Variants in FHOD3 observed in about 807,000 individuals in gnomAD.
FHOD3 encodes formin homology 2 domain containing 3.
A neutral mutation model predicts 173.0 loss-of-function variants in FHOD3; 90 were observed. That is an observed-to-expected ratio of 0.52 (90% CI 0.44 to 0.62). The LOEUF (loss-of-function observed/expected upper bound fraction) is 0.62. FHOD3 is among the 20% of genes least tolerant of loss of function. The pLI is 0.00. For missense variants in FHOD3, 1,945 were observed against 2,034.7 expected, an observed-to-expected ratio of 0.96 and a Z score of 0.85; for synonymous variants, 828 against 823.0, an observed-to-expected ratio of 1.01 and a Z score of -0.10.
In FHOD3 at chr18:36,383,048, A is replaced by G. The variant is rs540612956; in HGVS notation, c.337+10304A>G. Among the ~76,000 whole-genome samples the G allele has an allele frequency of 1.4e-4, 21 of 152,194 alleles. No homozygotes were observed. The South Asian group carries it at 3.5e-3, about 26-fold the overall frequency. On this transcript the variant is annotated intron_variant, in intron 3 of 28. Transcript: ENST00000590592. ...CTTGGTCTGCCACACTTCCACGGGG[A>G]GTGCCCTGTCTGATTATTAACAGGG... is the stretch of plus-strand genomic sequence containing the variant.
intron 9 of FHOD3, among the ~76,000 whole-genome samples, chr18:36,619,029 A>G (rs74929354): frequency 3.3e-5 from 5 of 152,060 alleles, no homozygotes; most frequent in Non-Finnish European, 7.4e-5. Flanking sequence ...GCTCATCGCT[A>G]TCTTGACTCC....
intron 3 of FHOD3, among the ~76,000 whole-genome samples, chr18:36,483,413 G>C (rs895737490): frequency 6.6e-6 from 1 of 152,180 alleles, no homozygotes; most frequent in African/African-American, 2.4e-5. Flanking sequence ...GAAAGGAGAA[G>C]AAGTGGTACT....
chr18:36,568,616 A>G (rs2058355830), intron 5 of FHOD3, among the ~76,000 whole-genome samples: 2 of 152,242 alleles, frequency 1.3e-5, no homozygotes, highest in South Asian at 4.1e-4. Context: ...ACACATACAG[A>G]GCTCAACCAA....
At chr18:36,727,941 G>A (rs2041161408) in intron 19 of FHOD3, among the ~76,000 whole-genome samples, 1 of 152,176 alleles carries the variant, frequency 6.6e-6, no homozygotes, top group South Asian at 2.1e-4. Flanking sequence ...GGGGTTAAGG[G>A]CTACTGGTTC....
chr18:36,552,427 T>C (rs1355242279), intron 5 of FHOD3, among the ~76,000 whole-genome samples: 1 of 152,182 alleles, frequency 6.6e-6, no homozygotes, highest in Non-Finnish European at 1.5e-5. Flanking sequence ...AAATATACAA[T>C]CATGTCATCT....
intron 3 of FHOD3, among the ~76,000 whole-genome samples, chr18:36,450,990 C>T (rs1275445513): frequency 6.6e-6 from 1 of 152,222 alleles, no homozygotes; most frequent in African/African-American, 2.4e-5. Context: ...AATTGGTAAT[C>T]ATGTCTGTTC....
At chr18:36,377,617 G>A (rs2047509107) in intron 3 of FHOD3, among the ~76,000 whole-genome samples, 2 of 152,218 alleles carry the variant, frequency 1.3e-5, no homozygotes. Context: ...ACTGTGTGCT[G>A]AGAGACATGA....
intron 6 of FHOD3, among the ~76,000 whole-genome samples, chr18:36,591,197 A>G (rs979603643): frequency 1.3e-5 from 2 of 152,338 alleles, no homozygotes; most frequent in African/African-American, 2.4e-5. Context: ...AATGTAGTCT[A>G]TTCCTACAGA....
At position 36,331,228 on chromosome 18, in the gene FHOD3, G is replaced by A. The variant is rs79140367; in HGVS notation, c.166-24311G>A. Among the ~76,000 whole-genome samples the A allele has an allele frequency of 6.8e-3, 1,031 of 152,312 alleles. 8 individuals are homozygous for A. Among genetic ancestry groups the A allele is most frequent in the Non-Finnish European group, 0.011 (761 of 68,014 alleles). The stretch of plus-strand genomic sequence containing the variant: ...CTGGCATTCAAAAAAAGTTTGGATT[G>A]ACTACTAGTTTAAGAATATTCAAGA... On this transcript the variant is annotated intron_variant, in intron 1 of 28. Transcript: ENST00000590592.
chr18:36,457,245 T>C (rs566168822), intron 3 of FHOD3, among the ~76,000 whole-genome samples: 3 of 152,222 alleles, frequency 2.0e-5, no homozygotes, highest in East Asian at 3.9e-4. Flanking sequence ...AAAATGCCAG[T>C]GAGGAGTGAC....
rs186950093 is a variant in FHOD3, at chr18:36,407,478, C to G, written c.337+34734C>G. Among the ~76,000 whole-genome samples the G allele has an allele frequency of 1.2e-3, 188 of 152,266 alleles. 2 individuals carry two copies. The highest frequency in any genetic ancestry group is 4.2e-3 in the African/African-American group (176 of 41,554). ...TGCACCTTGTTATGACCCTCACACTCACGATTTCAGTTTAACCCAAGTCTA... is the reference window on the plus strand; with the variant it reads ...TGCACCTTGTTATGACCCTCACACTGACGATTTCAGTTTAACCCAAGTCTA... On this transcript the variant is annotated intron_variant, in intron 3 of 28. Coordinates refer to ENST00000590592, the MANE Select transcript of FHOD3 (RefSeq NM_001281740.3).
At chr18:36,660,252 G>A (rs529839761) in intron 14 of FHOD3, among the ~76,000 whole-genome samples, 46 of 152,126 alleles carry the variant, frequency 3.0e-4, no homozygotes, top group Non-Finnish European at 4.6e-4. Flanking sequence ...CTGGGTGACC[G>A]TGAGACTCTG....
At chr18:36,587,660 G>A (rs965800638) in intron 6 of FHOD3, among the ~76,000 whole-genome samples, 3 of 152,082 alleles carry the variant, frequency 2.0e-5, no homozygotes, top group East Asian at 3.9e-4. Context: ...GCTTGGTGGT[G>A]CATGCCTGTA....
At chr18:36,353,445 T>C (rs1200582144) in intron 1 of FHOD3, among the ~76,000 whole-genome samples, 3 of 152,190 alleles carry the variant, frequency 2.0e-5, no homozygotes, top group East Asian at 3.8e-4. Flanking sequence ...TTGAGGATAA[T>C]AGCAAAACTT....
chr18:36,689,418 A>G (rs1478292353), intron 16 of FHOD3, among the ~76,000 whole-genome samples: 1 of 152,226 alleles, frequency 6.6e-6, no homozygotes, highest in Non-Finnish European at 1.5e-5. Flanking sequence ...TAACTGTAAC[A>G]AGATGAATGT....
chr18:36,613,354 G>C (rs2148641003), intron 9 of FHOD3, among the ~76,000 whole-genome samples: 1 of 152,332 alleles, frequency 6.6e-6, no homozygotes, highest in Non-Finnish European at 1.5e-5. Flanking sequence ...CTTGAGTTCA[G>C]ACTGTTCCCT....
At chr18:36,538,223 A>G (rs542263007) in intron 5 of FHOD3, among the ~76,000 whole-genome samples, 4 of 152,342 alleles carry the variant, frequency 2.6e-5, no homozygotes, top group African/African-American at 4.8e-5. Context: ...CTAAATGTCT[A>G]TATTAGAAAA....
intron 3 of FHOD3, among the ~76,000 whole-genome samples, chr18:36,405,373 A>G (rs2049007756): frequency 6.6e-6 from 1 of 152,264 alleles, no homozygotes; most frequent in South Asian, 2.1e-4. Context: ...GATTTATTTC[A>G]AAGATCAAAT....
At chr18:36,404,504 T>C (rs12963467) in intron 3 of FHOD3, among the ~76,000 whole-genome samples, 20,121 of 152,216 alleles carry the variant, frequency 0.13, 1,509 homozygotes, top group South Asian at 0.31. Context: ...TGCATGCATA[T>C]GGCCTGACCC....
Sources: allele counts gnomAD v4.1 joint callset (sites outside exome capture counted in the v4.1 genomes callset), GRCh38; gene constraint gnomAD v4.1.1; transcripts MANE v1.5; gene names NCBI Gene and HGNC (gene_info 2026-07-23, HGNC 2026-07-21).